The following POLI variants were observed in gnomAD, a reference collection of about 807,000 sequenced individuals.
POLI encodes the protein RAD30 homolog B.
In POLI, 58 loss-of-function variants were observed where a neutral mutation model predicts 51.6. The observed-to-expected ratio is 1.12, with a 90% confidence interval of 0.91 to 1.40. The LOEUF is 1.40. Ranked by LOEUF, POLI falls within the 40% of genes most tolerant of loss-of-function variation. POLI has a pLI of 0.00. For missense variants in POLI, 921 were observed against 871.3 expected (o/e 1.06, Z -0.72); for synonymous variants, 322 against 299.7 (o/e 1.07, Z -0.77).
In POLI at chr18:54,298,012, C is replaced by CAA; in HGVS notation, c.*3546_*3547insAA. ...TAATATCTTTTACTTTGGAGATACGCAGTTTTTATTATATGTCTAGCTATA... is the reference window on the plus strand; with the variant it reads ...TAATATCTTTTACTTTGGAGATACGCAAAGTTTTTATTATATGTCTAGCTATA... On this transcript the variant is annotated 3_prime_UTR_variant, in exon 10 of 10. Coordinates refer to ENST00000579534, the MANE Select transcript of POLI (RefSeq NM_007195.3). 1 of 975,784 alleles carries CAA rather than the reference C, an allele frequency of 1.0e-6. No homozygotes were observed. The highest frequency in any genetic ancestry group is 4.7e-5 in the South Asian group (1 of 21,078). 60.4% of individuals were successfully genotyped at this position (975,784 alleles called of 1,614,324 possible). A position where few individuals can be genotyped will look rare whatever the true frequency, so the allele number is the denominator to read the frequency against.
At chr18:54,273,134 G>C (rs1238837424) in intron 2 of POLI, among the ~76,000 whole-genome samples, 1 of 151,862 alleles carries the variant, frequency 6.6e-6, no homozygotes, top group Non-Finnish European at 1.5e-5. Context: ...GCAATCTTGA[G>C]TCACCAATAA....
downstream of POLI, among the ~76,000 whole-genome samples, chr18:54,300,696 C>T (rs1183070502): frequency 6.6e-6 from 1 of 151,808 alleles, no homozygotes; most frequent in African/African-American, 2.4e-5. Context: ...AAAGTAGGAC[C>T]CAACTGTCTG....
intron 3 of POLI, among the ~76,000 whole-genome samples, chr18:54,312,853 C>T (rs1457613582): frequency 1.3e-5 from 2 of 152,140 alleles, no homozygotes; most frequent in South Asian, 2.1e-4. Flanking sequence ...GGATATTAGG[C>T]CTTTGTTGGA....
At position 54,297,190 on chromosome 18, in the gene POLI, T is replaced by C; in HGVS notation, c.*2723T>C. 1.0e-6 allele frequency: 1 copy of C among 984,886 alleles called. No homozygotes were observed. The allele number at this position is 984,886 out of a possible 1,614,324, so 61.0% of individuals were successfully genotyped here. On this transcript the variant is annotated 3_prime_UTR_variant, in exon 10 of 10. Transcript: ENST00000579534. ...TTCCAAACTAACAGGCAGATGCTGT[T>C]AGCTATCTGCCTCCAGGGATAAACC...
chr18:54,301,438 C>CAGAT (rs754403387), downstream of POLI, among the ~76,000 whole-genome samples: 8 of 152,282 alleles, frequency 5.3e-5, no homozygotes, highest in South Asian at 1.5e-3. Flanking sequence ...ACACAGAATA[C>CAGAT]AGATGTTCCC....
At chr18:54,300,580 A>G (rs1407471732), downstream of POLI, among the ~76,000 whole-genome samples, 4 of 152,186 alleles carry the variant, frequency 2.6e-5, no homozygotes, top group Non-Finnish European at 4.4e-5. Context: ...TGGGGAAAAT[A>G]GAAAACAAAT....
intron 9 of POLI, 121 bp from the exon 10 acceptor site, chr18:54,293,528 A>G (rs1450661096): frequency 6.1e-6 from 4 of 658,122 alleles, no homozygotes; most frequent in Non-Finnish European, 1.0e-5. Context: ...CTGGCCACAA[A>G]GAGTTGTATT....
At chr18:54,316,154 A>G (rs1021564014) in intron 3 of POLI, among the ~76,000 whole-genome samples, 1 of 152,124 alleles carries the variant, frequency 6.6e-6, no homozygotes, top group Non-Finnish European at 1.5e-5. Flanking sequence ...GGCTCAAGTG[A>G]TCTTCCTGCC....
At chr18:54,299,396 T>C (rs1288652515), downstream of POLI, among the ~76,000 whole-genome samples, 1 of 152,070 alleles carries the variant, frequency 6.6e-6, no homozygotes, top group Admixed American at 6.5e-5. Context: ...GATCCCACCA[T>C]TGCACTCCAG....
chr18:54,286,117 A>C (rs1042037484), intron 7 of POLI, among the ~76,000 whole-genome samples: 1 of 152,066 alleles, frequency 6.6e-6, no homozygotes, highest in Non-Finnish European at 1.5e-5. Context: ...TCCCACCTCA[A>C]CTTCCCAAAG....
At chr18:54,273,055 A>G (rs3730702) in intron 2 of POLI, among the ~76,000 whole-genome samples, 15 of 152,272 alleles carry the variant, frequency 9.9e-5, no homozygotes, top group Non-Finnish European at 2.1e-4. Context: ...TACATATTTT[A>G]GGTGAACATT....
At chr18:54,304,072 C>G (rs1043103499) in intron 3 of POLI, among the ~76,000 whole-genome samples, 1 of 152,150 alleles carries the variant, frequency 6.6e-6, no homozygotes, top group African/African-American at 2.4e-5. Flanking sequence ...TCATCCACGT[C>G]CCTACAAAGG....
Position 54,295,263 on chromosome 18 carries a change from A to C in POLI, c.*796A>C, listed in dbSNP as rs2088264932. On this transcript the variant is annotated 3_prime_UTR_variant, in exon 10 of 10. Coordinates refer to ENST00000579534, the MANE Select transcript of POLI (RefSeq NM_007195.3). ...TAGCTAGTTTGAAGGGCCTAAAAGC[A>C]CTGAGATGTTTTTGTATCTTCCCTA... 2 of 985,040 alleles carry C rather than the reference A, an allele frequency of 2.0e-6. No individual in the cohort carries two copies. The highest frequency in any genetic ancestry group is 3.5e-5 in the African/African-American group (2 of 57,228). 61.0% of individuals were successfully genotyped at this position (985,040 alleles called of 1,614,324 possible). A position where few individuals can be genotyped will look rare whatever the true frequency, so the allele number is the denominator to read the frequency against.
In POLI at chr18:54,274,080, T is replaced by A; in HGVS notation, c.396T>A (p.Tyr132Ter). The A allele has an allele frequency of 6.8e-7, 1 of 1,461,706 alleles. No homozygotes were observed. The highest frequency in any genetic ancestry group is 2.3e-5 in the Admixed American group (1 of 43,428). 90.5% of individuals were successfully genotyped at this position (1,461,706 alleles called of 1,614,324 possible). Residue 132 changes from tyrosine (Y) to a stop codon, truncating the protein, a stop_gained, in exon 3 of 10, where the codon TAT (tyrosine) becomes TAA (stop). Transcript: ENST00000579534. LOFTEE classifies it high-confidence loss of function. ...EDLTRYREMS[Y>*]KVTELLEEFS... is the part of the protein sequence containing the mutation. ...TGACCCGCTACAGAGAAATGTCTTA[T>A]AAGGTTACAGGTACAAATGATAAGC... is the stretch of plus-strand genomic sequence containing the variant.
chr18:54,269,809 T>G (rs1352701572), intron 1 of POLI, 148 bp downstream of exon 1: 2 of 1,368,172 alleles, frequency 1.5e-6, no homozygotes, highest in Non-Finnish European at 1.9e-6. Flanking sequence ...CTCTGCCTTG[T>G]GTTACGCGGC....
Position 54,298,081 on chromosome 18 carries a change from G to A in POLI, c.*3614G>A. On this transcript the variant is annotated 3_prime_UTR_variant, in exon 10 of 10. Coordinates refer to ENST00000579534, the MANE Select transcript of POLI (RefSeq NM_007195.3). ...GTTCATTATGAATCTGCAGATTTGT[G>A]TCTTCCATCAAATCTGGATTGTTTT... The A allele has an allele frequency of 1.0e-6, 1 of 962,868 alleles. No individual in the cohort carries two copies. The highest frequency in any genetic ancestry group is 1.2e-6 in the Non-Finnish European group (1 of 809,576). The allele number at this position is 962,868 out of a possible 1,614,324, so 59.6% of individuals were successfully genotyped here. A position where few individuals can be genotyped will look rare whatever the true frequency, so the allele number is the denominator to read the frequency against.
chr18:54,292,591 A>G (rs12961936), intron 9 of POLI, among the ~76,000 whole-genome samples: 1 of 152,164 alleles, frequency 6.6e-6, no homozygotes, highest in African/African-American at 2.4e-5. Context: ...CCTTTTATTA[A>G]TAGACAAACC....
chr18:54,276,114 T>C (rs1192316687), intron 3 of POLI, among the ~76,000 whole-genome samples: 3 of 152,036 alleles, frequency 2.0e-5, no homozygotes. Flanking sequence ...CATGGTGGCT[T>C]ATGCCTGTAA....
chr18:54,280,628 T>G, intron 4 of POLI, 39 bp from the exon 5 acceptor site: 1 of 1,392,380 alleles, frequency 7.2e-7, no homozygotes, highest in African/African-American at 1.4e-5. Context: ...AGAAAAAGGT[T>G]TTTCTTGTGA....
Sources: gnomAD v4.1 joint callset for allele counts (sites outside exome capture counted in the v4.1 genomes callset) on GRCh38, gnomAD v4.1.1 for gene constraint, MANE v1.5 for transcripts, NCBI Gene and HGNC (gene_info 2026-07-23, HGNC 2026-07-21) for gene names.